The following DST variants were observed in gnomAD, a reference collection of about 807,000 sequenced individuals.
The protein encoded by DST is dystonin, also known as bullous pemphigoid antigen.
Under a neutral mutation model 875.2 loss-of-function variants are expected in DST, and 253 were observed. That is an observed-to-expected ratio of 0.29 (90% CI 0.26 to 0.32). The LOEUF (loss-of-function observed/expected upper bound fraction) is 0.32, where lower values mean the gene tolerates loss of function less well. Among genes scored for constraint, DST ranks in the 10% least tolerant of loss-of-function variants. DST has a pLI of 1.00. For missense variants in DST, 8,287 were observed against 9,111.6 expected, an observed-to-expected ratio of 0.91 and a Z score of 3.68; for synonymous variants, 3,124 against 3,197.1, an observed-to-expected ratio of 0.98 and a Z score of 0.77.
At chr6:56,835,105 G>T (rs1364849074) in intron 4 of DST, among the ~76,000 whole-genome samples, 2 of 152,180 alleles carry the variant, frequency 1.3e-5, no homozygotes, top group African/African-American at 4.8e-5. Flanking sequence ...TCTATATACT[G>T]CAGGATTCCA....
intron 8 of DST, among the ~76,000 whole-genome samples, chr6:56,701,633 CAGAAAGA>C (rs1175441785): frequency 6.6e-6 from 1 of 152,114 alleles, no homozygotes; most frequent in East Asian, 1.9e-4. Flanking sequence ...CCAATTCAAA[CAGAAAGA>C]AAATCACAAG....
At chr6:56,870,033 A>G (rs1776260012) in intron 3 of DST, among the ~76,000 whole-genome samples, 1 of 151,222 alleles carries the variant, frequency 6.6e-6, no homozygotes. Flanking sequence ...CAGAATATCC[A>G]CTCTAGAGAA....
chr6:56,939,895 G>A (rs939940124), intron 2 of DST, among the ~76,000 whole-genome samples: 17 of 151,740 alleles, frequency 1.1e-4, no homozygotes, highest in Admixed American at 2.6e-4. Flanking sequence ...GTGTGGTGGC[G>A]GGCACCTGTA....
rs1249832639 is a variant in DST, at chr6:56,632,740, A to T, written c.3805+114T>A. ...TTACCGTTCCACCAATTGTGTCTAC[A>T]TATCATAGGCTGGGTGATACAATAT... On this transcript the variant is annotated intron_variant, in intron 28 of 103. Transcript: ENST00000680361. The T allele has an allele frequency of 3.7e-6, 3 of 817,678 alleles. No individual in the cohort carries two copies. The East Asian group carries it at 7.8e-5, about 21-fold the overall frequency. The allele number at this position is 817,678 out of a possible 1,614,324, so 50.7% of individuals were successfully genotyped here.
intron 2 of DST, among the ~76,000 whole-genome samples, chr6:56,948,779 G>A (rs1820907799): frequency 6.6e-6 from 1 of 152,118 alleles, no homozygotes; most frequent in African/African-American, 2.4e-5. Context: ...TACATAATTT[G>A]TTACTTGGTA....
chr6:56,552,766 C>T lies in DST; in HGVS notation c.16026G>A (p.Glu5342=). Residue 5342 remains glutamate, a synonymous_variant, in exon 61 of 104, where the codon GAG becomes GAA. Coordinates refer to ENST00000680361, the MANE Select transcript of DST (RefSeq NM_001374736.1). The part of the protein sequence containing the change: ...AKRLAQDLVV[E]ASDSKGTSDV... ...CAGAGGTTCCCTTTGAGTCTGAGGCCTCTACCACAAGGTCCTGTGCAAGTC... is the reference window on the plus strand; with the variant it reads ...CAGAGGTTCCCTTTGAGTCTGAGGCTTCTACCACAAGGTCCTGTGCAAGTC... 2 of 1,610,416 alleles carry T rather than the reference C, an allele frequency of 1.2e-6. No homozygotes were observed. Among genetic ancestry groups the T allele is most frequent in the Non-Finnish European group, 1.7e-6 (2 of 1,179,868 alleles).
chr6:56,686,748 G>A (rs2099189888), intron 9 of DST, among the ~76,000 whole-genome samples: 1 of 152,154 alleles, frequency 6.6e-6, no homozygotes, highest in Non-Finnish European at 1.5e-5. Flanking sequence ...AGAAAGAAGT[G>A]TCCCGTTAAA....
intron 37 of DST, among the ~76,000 whole-genome samples, chr6:56,613,522 T>A (rs567378088): frequency 6.6e-6 from 1 of 152,210 alleles, no homozygotes; most frequent in African/African-American, 2.4e-5. Context: ...AACATTAAGA[T>A]TGGATGATAG....
chr6:56,643,812 A>C (rs770105751), intron 15 of DST, among the ~76,000 whole-genome samples: 12 of 152,258 alleles, frequency 7.9e-5, no homozygotes. Flanking sequence ...CAAGTGTGAG[A>C]GTGCCACATC....
At chr6:56,470,823 C>CAG (rs2094851346) in intron 95 of DST, among the ~76,000 whole-genome samples, 2 of 139,278 alleles carry the variant, frequency 1.4e-5, no homozygotes, top group South Asian at 2.4e-4. Flanking sequence ...CACACACACA[C>CAG]AGAAAACACC....
intron 2 of DST, among the ~76,000 whole-genome samples, chr6:56,909,829 T>A (rs1798069744): frequency 1.3e-5 from 2 of 152,172 alleles, no homozygotes; most frequent in African/African-American, 4.8e-5. Context: ...AATGAGTAGT[T>A]TTGGTCTTAA....
At chr6:56,590,489 A>C (rs2098251720) in intron 49 of DST, among the ~76,000 whole-genome samples, 1 of 152,176 alleles carries the variant, frequency 6.6e-6, no homozygotes, top group Non-Finnish European at 1.5e-5. Flanking sequence ...TTCCTACTAA[A>C]ATAATGACCT....
In DST at chr6:56,573,640, A is replaced by T. The variant is rs559874510; in HGVS notation, c.13236+39T>A. The T allele has an allele frequency of 7.9e-6, 12 of 1,519,252 alleles. No homozygotes were observed. The East Asian group carries it at 9.0e-5, about 11-fold the overall frequency. 94.1% of individuals were successfully genotyped at this position (1,519,252 alleles called of 1,614,324 possible). A position where few individuals can be genotyped will look rare whatever the true frequency, so the allele number is the denominator to read the frequency against. On this transcript the variant is annotated intron_variant, in intron 51 of 103. Transcript: ENST00000680361. ...TTTGAGCTTATAAAACTGTTTTTTT[A>T]AAAAACTGAAAATGGGACTTTTTTT...
At chr6:56,515,418 G>T in intron 72 of DST, 32 bp downstream of exon 72, 1 of 1,603,278 alleles carries the variant, frequency 6.2e-7, no homozygotes, top group Non-Finnish European at 8.5e-7. Flanking sequence ...TTTTAATGGG[G>T]AATACAATAT....
chr6:56,749,223 G>A (rs1421825489), intron 4 of DST, among the ~76,000 whole-genome samples: 1 of 152,088 alleles, frequency 6.6e-6, no homozygotes, highest in Non-Finnish European at 1.5e-5. Context: ...GCGTGGTGGT[G>A]TGCACCTGCA....
At chr6:56,785,055 G>A (rs1174156521) in intron 4 of DST, among the ~76,000 whole-genome samples, 1 of 152,152 alleles carries the variant, frequency 6.6e-6, no homozygotes, top group Non-Finnish European at 1.5e-5. Context: ...TTCGTGATCC[G>A]CGAATGCTGC....
chr6:56,918,185 G>T (rs1475977316), intron 2 of DST, among the ~76,000 whole-genome samples: 1 of 149,858 alleles, frequency 6.7e-6, no homozygotes, highest in African/African-American at 2.5e-5. Context: ...GGAATGTGGT[G>T]GCATGATCTT....
intron 24 of DST, among the ~76,000 whole-genome samples, 161 bp downstream of exon 24, chr6:56,635,428 G>A (rs867346120): frequency 6.6e-6 from 1 of 152,076 alleles, no homozygotes; most frequent in Non-Finnish European, 1.5e-5. Context: ...CACTTCTGTT[G>A]TATTTGTTGC....
chr6:56,902,707 A>C (rs1254776795), intron 2 of DST, among the ~76,000 whole-genome samples: 1 of 152,190 alleles, frequency 6.6e-6, no homozygotes, highest in Non-Finnish European at 1.5e-5. Flanking sequence ...CTTCAACCGA[A>C]AATAGTCCCA....
Sources: allele counts gnomAD v4.1 joint callset (sites outside exome capture counted in the v4.1 genomes callset), GRCh38; gene constraint gnomAD v4.1.1; transcripts MANE v1.5; gene names NCBI Gene and HGNC (gene_info 2026-07-23, HGNC 2026-07-21).